AMPD1: variants seen among roughly 807,000 people sequenced by gnomAD.
AMPD1 encodes adenosine monophosphate deaminase 1, also known as AMP deaminase 1.
In AMPD1, 74 loss-of-function variants were observed where a neutral mutation model predicts 82.9. The observed-to-expected ratio is 0.89, with a 90% CI of 0.74 to 1.08. The LOEUF is 1.08. AMPD1 is among the 50% of genes least tolerant of loss of function. The pLI is 0.00. For synonymous variants in AMPD1, 333 were observed against 320.5 expected (o/e 1.04, Z -0.42); for missense variants, 881 against 924.5 (o/e 0.95, Z 0.61).
At chr1:114,688,318 G>T (rs541494400) in intron 3 of AMPD1, among the ~76,000 whole-genome samples, 1 of 152,250 alleles carries the variant, frequency 6.6e-6, no homozygotes, top group Admixed American at 6.5e-5. Flanking sequence ...AGTAGAGACA[G>T]GGTTTCACCG....
chr1:114,679,503 T>A, intron 7 of AMPD1, 76 bp downstream of exon 7: 1 of 1,569,952 alleles, frequency 6.4e-7, no homozygotes, highest in South Asian at 1.1e-5. Context: ...AGAAACACAC[T>A]CTTTTCTTGT....
At chr1:114,680,138 GTGTT>G in intron 6 of AMPD1, 117 bp downstream of exon 6, 1 of 899,080 alleles carries the variant, frequency 1.1e-6, no homozygotes, top group South Asian at 1.4e-5. Flanking sequence ...GCTTAATACA[GTGTT>G]TGAACATAGT....
At chr1:114,687,696 T>G (rs1444633117) in intron 3 of AMPD1, among the ~76,000 whole-genome samples, 4 of 152,016 alleles carry the variant, frequency 2.6e-5, no homozygotes, top group Non-Finnish European at 4.4e-5. Context: ...GAAAATAGAC[T>G]TGGTGGAGAG....
In AMPD1 at chr1:114,684,251, G is replaced by A. The variant is rs1337058375; in HGVS notation, c.495C>T (p.Tyr165=). 6 of 1,614,030 alleles carry A rather than the reference G, an allele frequency of 3.7e-6. No individual in the cohort carries two copies. The highest frequency in any genetic ancestry group is 5.1e-6 in the Non-Finnish European group (6 of 1,180,014). The part of the protein sequence containing the change: ...FQRFPKTPSK[Y]LRNIDGEAWV... ...AAGCCTCACCATCAATGTTCCGCAA[G>A]TATTTGGAAGGGGTTTTAGGGAACC... The change falls in exon 5 of 16, where the codon TAC becomes TAT. Residue 165 remains tyrosine (Y), a synonymous_variant. Coordinates refer to ENST00000520113, the MANE Select transcript of AMPD1 (RefSeq NM_000036.3).
chr1:114,683,647 G>A (rs1436932552), intron 5 of AMPD1, among the ~76,000 whole-genome samples: 1 of 152,160 alleles, frequency 6.6e-6, no homozygotes, highest in Non-Finnish European at 1.5e-5. Context: ...TGAGGCAGGA[G>A]AATCGCTTGA....
At chr1:114,679,269 G>A (rs779844515) in intron 7 of AMPD1, among the ~76,000 whole-genome samples, 22 of 152,166 alleles carry the variant, frequency 1.4e-4, no homozygotes, top group Non-Finnish European at 2.8e-4. Context: ...AAAGAAAAAG[G>A]ACTAGAAGGA....
At chr1:114,680,881 T>C (rs185950835) in intron 5 of AMPD1, among the ~76,000 whole-genome samples, 1 of 152,214 alleles carries the variant, frequency 6.6e-6, no homozygotes, top group East Asian at 1.9e-4. Context: ...GGCGAGAGAA[T>C]CATTTGAATC....
rs1330306841 is a variant in AMPD1, at chr1:114,678,643, T to C, written c.898-116A>G. The C allele has an allele frequency of 3.1e-6, 3 of 971,858 alleles. No homozygotes were observed. In the East Asian group the frequency reaches 7.7e-5, roughly 25 times the overall value. The allele number at this position is 971,858 out of a possible 1,614,324, so 60.2% of individuals were successfully genotyped here. The stretch of plus-strand genomic sequence containing the variant: ...GTTGGGACAAAGTGAATAATGAGGA[T>C]GTGAGCTGACAGTTGGTGGAGGTGG... On this transcript the variant is annotated intron_variant, in intron 7 of 15. Coordinates refer to ENST00000520113, the MANE Select transcript of AMPD1 (RefSeq NM_000036.3).
At chr1:114,695,017 G>A (rs563025301) in intron 1 of AMPD1, among the ~76,000 whole-genome samples, 11 of 151,902 alleles carry the variant, frequency 7.2e-5, no homozygotes, top group Admixed American at 2.6e-4. Flanking sequence ...ATTACTCTGC[G>A]TACAAACCTG....
At chr1:114,680,204 T>C in intron 6 of AMPD1, 55 bp downstream of exon 6, 1 of 1,443,018 alleles carries the variant, frequency 6.9e-7, no homozygotes, top group Non-Finnish European at 9.7e-7. Context: ...GTACTAGTTG[T>C]TGTTTAGGTC....
At chr1:114,684,550 G>A in intron 4 of AMPD1, 186 bp from the exon 5 acceptor site, 1 of 636,880 alleles carries the variant, frequency 1.6e-6, no homozygotes, top group South Asian at 1.9e-5. Context: ...AGGTCCTGAA[G>A]CTTTTCTAGC....
At chr1:114,674,309 G>A (rs1657918571) in intron 13 of AMPD1, among the ~76,000 whole-genome samples, 1 of 152,122 alleles carries the variant, frequency 6.6e-6, no homozygotes. Context: ...AAACCAGATT[G>A]TTTATTTGAT....
intron 5 of AMPD1, among the ~76,000 whole-genome samples, chr1:114,681,630 T>C (rs977420335): frequency 1.4e-5 from 2 of 145,348 alleles, no homozygotes; most frequent in Non-Finnish European, 3.0e-5. Context: ...AAAAAGAAAA[T>C]GCAATTTCCC....
At chr1:114,676,075 C>G in intron 10 of AMPD1, 72 bp from the exon 11 acceptor site, 1 of 1,534,800 alleles carries the variant, frequency 6.5e-7, no homozygotes. Flanking sequence ...TATGAGGGAA[C>G]CAGAGAATCG....
At chr1:114,689,432 T>C (rs1282313085) in intron 2 of AMPD1, among the ~76,000 whole-genome samples, 1 of 152,166 alleles carries the variant, frequency 6.6e-6, no homozygotes, top group Non-Finnish European at 1.5e-5. Context: ...CAATTTTACT[T>C]GTACATACCC....
intron 2 of AMPD1, among the ~76,000 whole-genome samples, chr1:114,692,699 A>G (rs1399375067): frequency 1.3e-5 from 2 of 152,124 alleles, no homozygotes; most frequent in Non-Finnish European, 2.9e-5. Flanking sequence ...ATAAATAAAC[A>G]AACAAATAAA....
rs1657908083 is a variant in AMPD1 at position 114,673,977 on chromosome 1, C to T, written c.1906G>A (p.Asp636Asn). ...ATCATTAGCCCTTTCTGAAGGAAATCCAAAAAAGGATTTTTGGCATACTCT... is the reference window on the plus strand; with the variant it reads ...ATCATTAGCCCTTTCTGAAGGAAATTCAAAAAAGGATTTTTGGCATACTCT... ...FLEYAKNPFL[D>N]FLQKGLMISL... The change falls in exon 14 of 16, where the codon GAT (aspartate) becomes AAT (asparagine). Residue 636 changes from aspartate to asparagine, a missense_variant. Asp to Asn is a conservative substitution (Grantham distance 23, BLOSUM62 1). Around this residue, in one of 2 missense-constraint regions of AMPD1, gnomAD observed 98 missense variants for 138.1 expected, o/e 0.71. Transcript: ENST00000520113. The T allele has an allele frequency of 1.9e-6, 3 of 1,613,882 alleles. No individual in the cohort carries two copies. Among genetic ancestry groups the T allele is most frequent in the Non-Finnish European group, 2.5e-6 (3 of 1,179,926 alleles).
chr1:114,677,372 A>T lies in AMPD1; in HGVS notation c.1367T>A (p.Met456Lys). 6.2e-7 allele frequency: 1 copy of T among 1,610,588 alleles called. No individual in the cohort carries two copies. Among genetic ancestry groups the T allele is most frequent in the East Asian group, 2.2e-5 (1 of 44,778 alleles). ...ATACTAGATCCTGGGAACCTGGATC[A>T]TCCATGTCATGTTGGGGCAGTGGAT... ...NRIHCPNMTW[M>K]IQVPRIYDVF... Residue 456 changes from methionine to lysine, a missense_variant, in exon 10 of 16, where the codon ATG becomes AAG. By Grantham distance (95) the Met-to-Lys change is moderately conservative. Transcript: ENST00000520113.
Position 114,680,478 on chromosome 1 carries a change from AC to A in AMPD1, c.548-1del. 6.2e-7 allele frequency: 1 copy of A among 1,613,866 alleles called. No homozygotes were observed. The highest frequency in any genetic ancestry group is 8.5e-7 in the Non-Finnish European group (1 of 1,179,788). ...TCCCTTCTTCACAGGAGGAGTAAAG[AC>A]TTTTTCAATCAAACACAGAGTAATA... On this transcript the variant is annotated splice_acceptor_variant, in intron 5 of 15. Transcript: ENST00000520113. LOFTEE classifies it high-confidence loss of function.
Sources: allele counts gnomAD v4.1 joint callset (sites outside exome capture counted in the v4.1 genomes callset), GRCh38; gene constraint gnomAD v4.1.1; regional missense constraint gnomAD v4.1.1; transcripts MANE v1.5; gene names NCBI Gene and HGNC (gene_info 2026-07-23, HGNC 2026-07-21).